Variants in BCKDHA observed in about 807,000 individuals in gnomAD.
BCKDHA encodes 2-oxoisovalerate dehydrogenase subunit alpha, mitochondrial.
In BCKDHA, 43 loss-of-function variants were observed where a neutral mutation model predicts 52.2. The ratio of observed to expected loss-of-function variants is 0.82; its 90% CI spans 0.64 to 1.06. BCKDHA has a LOEUF of 1.06. BCKDHA is among the 50% of genes least tolerant of loss of function. The pLI, the probability that BCKDHA is intolerant of heterozygous loss-of-function variation, is 0.00. For missense variants in BCKDHA, 527 were observed against 621.3 expected (o/e 0.85, Z 1.61); for synonymous variants, 234 against 247.9 (o/e 0.94, Z 0.53).
intron 1 of BCKDHA, among the ~76,000 whole-genome samples, chr19:41,405,944 G>A (rs2039187564): frequency 6.6e-6 from 1 of 152,104 alleles, no homozygotes; most frequent in Non-Finnish European, 1.5e-5. Flanking sequence ...TAAATCACTG[G>A]CCACCGGGAC....
chr19:41,409,645 A>C (rs571548194), intron 1 of BCKDHA, among the ~76,000 whole-genome samples: 1 of 152,150 alleles, frequency 6.6e-6, no homozygotes, highest in East Asian at 1.9e-4. Context: ...TGTTTTGAGC[A>C]TTTGTTAGGT....
intron 4 of BCKDHA, among the ~76,000 whole-genome samples, chr19:41,415,810 G>A (rs978065871): frequency 7.5e-6 from 1 of 133,126 alleles, no homozygotes; most frequent in Non-Finnish European, 1.6e-5. Flanking sequence ...CACCATGCCT[G>A]GCTAATTTTT....
chr19:41,424,556 G>C lies in BCKDHA; in HGVS notation c.1286G>C (p.Arg429Pro). Residue 429 changes from arginine to proline, a missense_variant, in exon 9 of 9, where the codon CGC (arginine) becomes CCC (proline). Physicochemically the swap from Arg to Pro is moderately radical, Grantham distance 103. Coordinates refer to ENST00000269980, the MANE Select transcript of BCKDHA (RefSeq NM_000709.4). ...QLRKQQESLA[R>P]HLQTYGEHYP... Reference sequence around the variant, plus strand: ...CGCAAGCAGCAGGAGTCTCTGGCCCGCCACCTGCAGACCTACGGGGAGCAC... The same window carrying C: ...CGCAAGCAGCAGGAGTCTCTGGCCCCCCACCTGCAGACCTACGGGGAGCAC... 2 of 1,613,944 alleles carry C rather than the reference G, an allele frequency of 1.2e-6. No individual in the cohort carries two copies. Among genetic ancestry groups the C allele is most frequent in the Non-Finnish European group, 8.5e-7 (1 of 1,179,896 alleles).
At position 41,406,736 on chromosome 19, in the gene BCKDHA, T is replaced by A. The variant is rs1372791089; in HGVS notation, c.109-3901T>A. ...AGGCACCTACCATCATGCACGGCTG[T>A]TTTTTGTATTTTTAGTAGAGACAGG... On this transcript the variant is annotated intron_variant, in intron 1 of 8. Coordinates refer to ENST00000269980, the MANE Select transcript of BCKDHA (RefSeq NM_000709.4). Among the ~76,000 whole-genome samples the A allele has an allele frequency of 3.3e-5, 5 of 152,046 alleles. No individual in the cohort carries two copies. The East Asian group carries it at 9.7e-4, about 29-fold the overall frequency.
intron 3 of BCKDHA, among the ~76,000 whole-genome samples, chr19:41,412,277 A>T (rs1358111710): frequency 6.7e-6 from 1 of 149,078 alleles, no homozygotes; most frequent in South Asian, 2.1e-4. Flanking sequence ...GAGCACCACC[A>T]TCCACCTGCT....
rs2039373396 is a variant in BCKDHA, at chr19:41,422,188, A to C, written c.671A>C (p.Lys224Thr). 1.2e-6 allele frequency: 2 copies of C among 1,614,008 alleles called. No homozygotes were observed. The highest frequency in any genetic ancestry group is 1.7e-6 in the Non-Finnish European group (2 of 1,179,994). Reference sequence around the variant, plus strand: ...GCGGTGGGGGCGGCGTACGCAGCCAAGCGGGCCAATGCCAACAGGGTCGTC... The same window carrying C: ...GCGGTGGGGGCGGCGTACGCAGCCACGCGGGCCAATGCCAACAGGGTCGTC... Reference protein sequence around the residue: ...PQAVGAAYAAKRANANRVVIC... With the variant: ...PQAVGAAYAATRANANRVVIC... The change falls in exon 6 of 9, where the codon AAG becomes ACG. Residue 224 changes from lysine (K) to threonine (T), a missense_variant. By Grantham distance (78) the Lys-to-Thr change is moderately conservative. Transcript: ENST00000269980.
chr19:41,422,659 C>A lies in BCKDHA; in HGVS notation c.884C>A (p.Ser295Ter), dbSNP rs1318419473. Reference protein sequence around the residue: ...AARGPGYGIMSIRVDGNDVFA... With the variant: ...AARGPGYGIM Reference sequence around the variant, plus strand: ...CGAGGCCCCGGGTATGGCATCATGTCAATCCGCGTGGATGGTAATGATGTG... The same window carrying A: ...CGAGGCCCCGGGTATGGCATCATGTAAATCCGCGTGGATGGTAATGATGTG... The change falls in exon 7 of 9, where the codon TCA becomes TAA. Residue 295 changes from serine (S) to a stop codon, truncating the protein, a stop_gained. Transcript: ENST00000269980. LOFTEE classifies it high-confidence loss of function. 1.2e-6 allele frequency: 2 copies of A among 1,614,072 alleles called. No individual in the cohort carries two copies. The highest frequency in any genetic ancestry group is 2.7e-5 in the African/African-American group (2 of 74,930).
At chr19:41,408,730 A>G (rs964941657) in intron 1 of BCKDHA, among the ~76,000 whole-genome samples, 1 of 150,932 alleles carries the variant, frequency 6.6e-6, no homozygotes, top group Non-Finnish European at 1.5e-5. Flanking sequence ...CGATTCTCCC[A>G]CCTCAGCCTT....
At chr19:41,419,599 G>A (rs988124030) in intron 5 of BCKDHA, among the ~76,000 whole-genome samples, 1 of 151,996 alleles carries the variant, frequency 6.6e-6, no homozygotes, top group African/African-American at 2.4e-5. Flanking sequence ...GCACCACCAC[G>A]CCCAGCTAAT....
Position 41,424,840 on chromosome 19 carries a change from G to A in BCKDHA, c.*232G>A. The A allele has an allele frequency of 1.9e-6, 1 of 518,332 alleles. No individual in the cohort carries two copies. Among genetic ancestry groups the A allele is most frequent in the South Asian group, 2.9e-5 (1 of 34,632 alleles). The allele number at this position is 518,332 out of a possible 1,614,324, so 32.1% of individuals were successfully genotyped here. A position where few individuals can be genotyped will look rare whatever the true frequency, so the allele number is the denominator to read the frequency against. Reference sequence around the variant, plus strand: ...GGCTCCGTCAGCCCCCTCTTCACCTGTTGTTACAGTGCCTTCTCCCAGGGG... The same window carrying A: ...GGCTCCGTCAGCCCCCTCTTCACCTATTGTTACAGTGCCTTCTCCCAGGGG... On this transcript the variant is annotated 3_prime_UTR_variant, in exon 9 of 9. Coordinates refer to ENST00000269980, the MANE Select transcript of BCKDHA (RefSeq NM_000709.4).
At chr19:41,412,009 C>A (rs974138874) in intron 3 of BCKDHA, among the ~76,000 whole-genome samples, 1 of 152,202 alleles carries the variant, frequency 6.6e-6, no homozygotes, top group South Asian at 2.1e-4. Context: ...ACCGCCGAGC[C>A]GCGAGGAGCT....
intron 4 of BCKDHA, among the ~76,000 whole-genome samples, chr19:41,416,515 AC>A (rs1194605390): frequency 1.1e-4 from 16 of 152,274 alleles, no homozygotes; most frequent in Non-Finnish European, 2.9e-5. Context: ...TGGCAGTCTG[AC>A]CCAGAGACAG....
intron 5 of BCKDHA, among the ~76,000 whole-genome samples, chr19:41,421,055 G>A (rs192329345): frequency 6.6e-6 from 1 of 152,194 alleles, no homozygotes; most frequent in Non-Finnish European, 1.5e-5. Flanking sequence ...GGAACAAGAA[G>A]CAGTTTGAGC....
intron 1 of BCKDHA, among the ~76,000 whole-genome samples, chr19:41,409,661 A>T (rs1171986694): frequency 6.6e-6 from 1 of 152,146 alleles, no homozygotes; most frequent in Non-Finnish European, 1.5e-5. Flanking sequence ...TAGGTGGCTT[A>T]CAGATGCTTT....
At chr19:41,398,883 A>G (rs958124915) in intron 1 of BCKDHA, among the ~76,000 whole-genome samples, 1 of 152,178 alleles carries the variant, frequency 6.6e-6, no homozygotes, top group Non-Finnish European at 1.5e-5. Context: ...TTTCCTCTCT[A>G]AAATATTAAC....
rs1259265077 is a variant in BCKDHA, at chr19:41,418,365, G to A, written c.485-770G>A. ...AAACCCCCTTCTGTCTTCTAACTTC[G>A]GAGGAAGGGCCCCCTTAACCTGGAG... On this transcript the variant is annotated intron_variant, in intron 4 of 8. Coordinates refer to ENST00000269980, the MANE Select transcript of BCKDHA (RefSeq NM_000709.4). 3.3e-5 allele frequency among the ~76,000 whole-genome samples: 5 copies of A among 152,258 alleles called. No individual in the cohort carries two copies. The East Asian group carries it at 9.6e-4, about 29-fold the overall frequency.
chr19:41,403,630 C>T (rs1278282333), intron 1 of BCKDHA, among the ~76,000 whole-genome samples: 2 of 152,202 alleles, frequency 1.3e-5, no homozygotes, highest in Admixed American at 6.5e-5. Context: ...CTTTAGGAAG[C>T]TTTCCCTGGT....
chr19:41,416,539 C>G (rs2039309873), intron 4 of BCKDHA, among the ~76,000 whole-genome samples: 1 of 152,220 alleles, frequency 6.6e-6, no homozygotes, highest in African/African-American at 2.4e-5. Flanking sequence ...CTCGCTGTTT[C>G]CCACCCTTGG....
chr19:41,412,292 C>T (rs1425238166), intron 3 of BCKDHA, among the ~76,000 whole-genome samples: 1 of 151,848 alleles, frequency 6.6e-6, no homozygotes, highest in African/African-American at 2.4e-5. Flanking sequence ...CCTGCTTGCC[C>T]ACACCAGAAA....
Sources: gnomAD v4.1 joint callset for allele counts (sites outside exome capture counted in the v4.1 genomes callset) on GRCh38, gnomAD v4.1.1 for gene constraint, MANE v1.5 for transcripts, NCBI Gene and HGNC (gene_info 2026-07-23, HGNC 2026-07-21) for gene names.